The following PCBP3 variants were observed in gnomAD, a reference collection of about 807,000 sequenced individuals.
The protein encoded by PCBP3 is poly(rC)-binding protein 3.
A neutral mutation model predicts 52.7 loss-of-function variants in PCBP3; 25 were observed. The ratio of observed to expected loss-of-function variants is 0.47; its 90% CI spans 0.35 to 0.66. The LOEUF is 0.66. Ranked by LOEUF, PCBP3 falls within the 30% of genes least tolerant of loss-of-function variation. PCBP3 has a pLI of 0.01. For synonymous variants in PCBP3, 162 were observed against 183.0 expected, an observed-to-expected ratio of 0.89 and a Z score of 0.93; for missense variants, 391 against 490.3, an observed-to-expected ratio of 0.80 and a Z score of 1.91.
intron 2 of PCBP3, among the ~76,000 whole-genome samples, chr21:45,675,579 G>A (rs2081413712): frequency 6.6e-6 from 1 of 152,174 alleles, no homozygotes; most frequent in African/African-American, 2.4e-5. Flanking sequence ...AGCACTAGGC[G>A]TATTGCAGTG....
intron 13 of PCBP3, chr21:45,918,076 A>G: frequency 4.2e-6 from 1 of 237,730 alleles, no homozygotes; most frequent in South Asian, 5.6e-5. Flanking sequence ...TCCCCCTTTC[A>G]GAGTCCACAT....
chr21:45,762,880 T>C (rs2088854877), intron 4 of PCBP3: 1 of 152,256 alleles, frequency 6.6e-6, no homozygotes, highest in Non-Finnish European at 1.5e-5. Context: ...TTTTCCACGT[T>C]CGCCTTGTAG....
At chr21:45,898,937 C>T (rs1267997335) in intron 6 of PCBP3, among the ~76,000 whole-genome samples, 1 of 151,870 alleles carries the variant, frequency 6.6e-6, no homozygotes, top group African/African-American at 2.4e-5. Flanking sequence ...CACGGCCTCC[C>T]TCTCCCTCCA....
At chr21:45,775,153 A>T (rs1482884459) in intron 4 of PCBP3, among the ~76,000 whole-genome samples, 1 of 152,054 alleles carries the variant, frequency 6.6e-6, no homozygotes, top group Non-Finnish European at 1.5e-5. Flanking sequence ...ACTTTTCTGT[A>T]TTGGGAGGCT....
At position 45,879,985 on chromosome 21, in the gene PCBP3, T is replaced by G. The variant is rs949749164; in HGVS notation, c.11-16223T>G. On this transcript the variant is annotated intron_variant, in intron 5 of 17. Transcript: ENST00000681687. ...AAAACAGAACTAAGCCTCTTCACAT[T>G]GGAGTAGTTCAAATAAAGGAAGGAC... 1.1e-4 allele frequency among the ~76,000 whole-genome samples: 16 copies of G among 152,236 alleles called. No homozygotes were observed. In the South Asian group the frequency reaches 3.3e-3, roughly 32 times the overall value.
At position 45,817,940 on chromosome 21, in the gene PCBP3, A is replaced by G. The variant is rs532440355; in HGVS notation, c.-125-32021A>G. 2.0e-5 allele frequency among the ~76,000 whole-genome samples: 3 copies of G among 152,168 alleles called. No individual in the cohort carries two copies. Among genetic ancestry groups the G allele is most frequent in the African/African-American group, 7.2e-5 (3 of 41,504 alleles). On this transcript the variant is annotated intron_variant, in intron 4 of 17. Transcript: ENST00000681687. The surrounding 1 kb of genome is among the most constrained non-coding windows in gnomAD (Gnocchi z 4.3). Reference sequence around the variant, plus strand: ...ATTATTGGAAAGTATAGAGCGTGCCACCTCCTCCCCTCATACAGAGCTTCT... The same window carrying G: ...ATTATTGGAAAGTATAGAGCGTGCCGCCTCCTCCCCTCATACAGAGCTTCT...
chr21:45,856,546 C>G (rs958489622), intron 5 of PCBP3, among the ~76,000 whole-genome samples: 1 of 152,206 alleles, frequency 6.6e-6, no homozygotes. Flanking sequence ...AGCTCTTGTC[C>G]TTGAGTTCAC....
chr21:45,704,259 G>A lies in PCBP3; in HGVS notation c.-199-31133G>A, dbSNP rs1029014. Among the ~76,000 whole-genome samples the A allele has an allele frequency of 0.23, 34,298 of 152,050 alleles. 4,570 individuals carry two copies. Among genetic ancestry groups the A allele is most frequent in the African/African-American group, 0.37 (15,207 of 41,460 alleles). On this transcript the variant is annotated intron_variant, in intron 2 of 17. Transcript: ENST00000681687. The surrounding 1 kb of genome is among the most constrained non-coding windows in gnomAD (Gnocchi z 4.1). Reference sequence around the variant, plus strand: ...GGCAACCCTGAGCAGTGTGGAGTCAGTGGTGGCTGGGAGAAGGGCCATCAC... The same window carrying A: ...GGCAACCCTGAGCAGTGTGGAGTCAATGGTGGCTGGGAGAAGGGCCATCAC...
rs576301333 is a variant in PCBP3 at position 45,853,353 on chromosome 21, G to A, written c.10+3258G>A. On this transcript the variant is annotated intron_variant, in intron 5 of 17. Coordinates refer to ENST00000681687, the MANE Select transcript of PCBP3 (RefSeq NM_001384156.1). The surrounding 1 kb of genome is among the most constrained non-coding windows in gnomAD (Gnocchi z 4.6). ...AATGGCCCTTAAAGGCAGGGCTGGC[G>A]TTACTGGTGGAGGGTGTCCAGGTTC... Among the ~76,000 whole-genome samples, 71 of 152,340 alleles carry A rather than the reference G, an allele frequency of 4.7e-4. No homozygotes were observed. Among genetic ancestry groups the A allele is most frequent in the African/African-American group, 1.6e-3 (66 of 41,580 alleles).
chr21:45,899,278 G>A (rs894791751), intron 6 of PCBP3, among the ~76,000 whole-genome samples: 7 of 152,162 alleles, frequency 4.6e-5, no homozygotes, highest in African/African-American at 1.7e-4. Context: ...GGTAGCCTGA[G>A]TGCATGGGTG....
intron 4 of PCBP3, among the ~76,000 whole-genome samples, chr21:45,806,489 C>G (rs1358208643): frequency 6.6e-6 from 1 of 151,484 alleles, no homozygotes; most frequent in Non-Finnish European, 1.5e-5. Flanking sequence ...CTACTTTTCT[C>G]TGTCCCCTTT....
chr21:45,905,439 C>T (rs2096177532), intron 9 of PCBP3, among the ~76,000 whole-genome samples: 1 of 152,256 alleles, frequency 6.6e-6, no homozygotes, highest in Admixed American at 6.5e-5. Context: ...ATGAGTTCTG[C>T]ATCTGGCAGA....
At chr21:45,851,237 G>C (rs941216278) in intron 5 of PCBP3, among the ~76,000 whole-genome samples, 2 of 152,228 alleles carry the variant, frequency 1.3e-5, no homozygotes, top group Non-Finnish European at 2.9e-5. Flanking sequence ...TGGAAGGGCC[G>C]GGCGTGGTGG....
intron 9 of PCBP3, among the ~76,000 whole-genome samples, chr21:45,908,104 C>T (rs1226570214): frequency 5.3e-5 from 8 of 152,254 alleles, no homozygotes; most frequent in East Asian, 1.9e-4. Context: ...TGAACAATTT[C>T]GTTAAAGTCA....
chr21:45,896,145 A>G (rs2095820425), intron 5 of PCBP3, 63 bp from the exon 6 acceptor site: 1 of 1,480,980 alleles, frequency 6.8e-7, no homozygotes, highest in Admixed American at 2.0e-5. Flanking sequence ...GGCCCAGGAC[A>G]CCCCTGGATG....
chr21:45,886,690 A>C (rs531951124), intron 5 of PCBP3, among the ~76,000 whole-genome samples: 136 of 152,208 alleles, frequency 8.9e-4, no homozygotes, highest in African/African-American at 3.2e-3. Context: ...GCCGCTGGGC[A>C]AGGGTGGGAG....
chr21:45,868,411 C>CTTTTTTTTTTTTTTT (rs1232045625), intron 5 of PCBP3, among the ~76,000 whole-genome samples: 2 of 113,662 alleles, frequency 1.8e-5, no homozygotes, highest in Non-Finnish European at 3.5e-5. Flanking sequence ...CTTATTTGTT[C>CTTTTTTTTTTTTTTT]TTTTTTTTTT....
At chr21:45,932,384 T>A (rs2076336979) in intron 15 of PCBP3, among the ~76,000 whole-genome samples, 1 of 151,946 alleles carries the variant, frequency 6.6e-6, no homozygotes, top group Non-Finnish European at 1.5e-5. Flanking sequence ...CATCCTGAGA[T>A]GAATGAACAC....
Position 45,904,027 on chromosome 21 carries a change from A to AT in PCBP3, c.339+2918dup, listed in dbSNP as rs2096134669. Among the ~76,000 whole-genome samples, 1 of 152,106 alleles carries AT rather than the reference A, an allele frequency of 6.6e-6. No individual in the cohort carries two copies. Among genetic ancestry groups the AT allele is most frequent in the Non-Finnish European group, 1.5e-5 (1 of 68,030 alleles). On this transcript the variant is annotated intron_variant, in intron 9 of 17. Coordinates refer to ENST00000681687, the MANE Select transcript of PCBP3 (RefSeq NM_001384156.1). This position sits in a 1 kb window ranked among gnomAD's most constrained non-coding sequence, Gnocchi z 4.8. ...CCTTGCAATGAGTTTAGAGAAACAGATTTTCTCTGACGTCCCTTCCAGTAG... is the reference window on the plus strand; with the variant it reads ...CCTTGCAATGAGTTTAGAGAAACAGATTTTTCTCTGACGTCCCTTCCAGTAG...
Sources: allele counts gnomAD v4.1 joint callset (sites outside exome capture counted in the v4.1 genomes callset), GRCh38; gene constraint gnomAD v4.1.1; non-coding constraint Gnocchi (gnomAD v3.1); transcripts MANE v1.5; gene names NCBI Gene and HGNC (gene_info 2026-07-23, HGNC 2026-07-21).